NDST3: variants seen among roughly 807,000 people sequenced by gnomAD.
NDST3 encodes N-deacetylase and N-sulfotransferase 3.
Under a neutral mutation model 96.1 loss-of-function variants are expected in NDST3, and 58 were observed. That is an observed-to-expected ratio of 0.60 (90% CI 0.49 to 0.75). The LOEUF is 0.75. Among genes scored for constraint, NDST3 ranks in the 30% least tolerant of loss-of-function variants. NDST3 has a pLI of 0.00. For synonymous variants in NDST3, 333 were observed against 359.7 expected (o/e 0.93, Z 0.84); for missense variants, 788 against 1,034.2 (o/e 0.76, Z 3.27).
At chr4:118,105,349 A>C (rs907615778) in intron 3 of NDST3, among the ~76,000 whole-genome samples, 1 of 152,178 alleles carries the variant, frequency 6.6e-6, no homozygotes, top group Non-Finnish European at 1.5e-5. Context: ...GAAGTACATA[A>C]ATAGTAAATG....
At chr4:118,199,141 C>A (rs1161525000) in intron 6 of NDST3, among the ~76,000 whole-genome samples, 1 of 152,170 alleles carries the variant, frequency 6.6e-6, no homozygotes, top group Non-Finnish European at 1.5e-5. Flanking sequence ...AATAAAGTTT[C>A]TATGCATATC....
At chr4:118,067,725 G>A (rs917491072) in intron 2 of NDST3, among the ~76,000 whole-genome samples, 1 of 152,018 alleles carries the variant, frequency 6.6e-6, no homozygotes, top group South Asian at 2.1e-4. Flanking sequence ...TCACTGCTCC[G>A]TACTTAGAAA....
At chr4:118,194,220 T>C (rs1332281455) in intron 6 of NDST3, 2 of 732,670 alleles carry the variant, frequency 2.7e-6, no homozygotes, top group African/African-American at 3.4e-5. Context: ...AACTAGTCCT[T>C]GTAGCACCCT....
chr4:118,124,855 C>T lies in NDST3; in HGVS notation c.1224+9895C>T, dbSNP rs546207039. Among the ~76,000 whole-genome samples the T allele has an allele frequency of 3.9e-4, 59 of 152,060 alleles. 1 individual carries two copies. The South Asian group carries it at 0.011, about 29-fold the overall frequency. ...TATTAACACCTTTAACACTTTTATCCAAAGACTTTTGTTACTTTTATTTTA... is the reference window on the plus strand; with the variant it reads ...TATTAACACCTTTAACACTTTTATCTAAAGACTTTTGTTACTTTTATTTTA... On this transcript the variant is annotated intron_variant, in intron 4 of 13. Transcript: ENST00000296499.
intron 5 of NDST3, 128 bp from the exon 6 acceptor site, chr4:118,143,428 T>C: frequency 1.1e-6 from 1 of 871,784 alleles, no homozygotes. Flanking sequence ...TGATAGATTG[T>C]CCAGGCCCTG....
intron 6 of NDST3, among the ~76,000 whole-genome samples, chr4:118,183,984 A>G (rs981724009): frequency 6.6e-6 from 1 of 152,134 alleles, no homozygotes; most frequent in Admixed American, 6.5e-5. Flanking sequence ...CCACTTACTC[A>G]CGGTGCTAGA....
At chr4:118,040,829 A>T (rs1478286663) in intron 1 of NDST3, among the ~76,000 whole-genome samples, 1 of 147,974 alleles carries the variant, frequency 6.8e-6, no homozygotes, top group Non-Finnish European at 1.5e-5. Context: ...ACCACCTGCC[A>T]CCATGTCCAA....
intron 6 of NDST3, among the ~76,000 whole-genome samples, chr4:118,203,568 T>G (rs973531956): frequency 2.0e-5 from 3 of 152,210 alleles, no homozygotes; most frequent in Admixed American, 6.5e-5. Context: ...ATTTACCTAC[T>G]TCCTCTAGAT....
At chr4:118,250,864 T>A (rs1381732373) in intron 12 of NDST3, among the ~76,000 whole-genome samples, 2 of 152,022 alleles carry the variant, frequency 1.3e-5, no homozygotes, top group Non-Finnish European at 2.9e-5. Flanking sequence ...AGTTCTATAT[T>A]AGATATATTT....
At chr4:118,207,201 T>G (rs10025029) in intron 6 of NDST3, among the ~76,000 whole-genome samples, 1,873 of 141,502 alleles carry the variant, frequency 0.013, 221 homozygotes, top group African/African-American at 0.046. Context: ...AAATTATATC[T>G]GTGGCTTCTT....
At chr4:118,103,642 C>T (rs1391236675) in intron 2 of NDST3, among the ~76,000 whole-genome samples, 2 of 152,128 alleles carry the variant, frequency 1.3e-5, no homozygotes, top group Non-Finnish European at 2.9e-5. Context: ...TTCCTCCTCC[C>T]CCATCCAAAC....
Position 118,138,200 on chromosome 4 carries a change from A to AGCTAGATAC in NDST3, c.1372_1380dup (p.Ala458_Tyr460dup). ...CTGAAGAATATCCACATCTGAAGCC[A>AGCTAGATAC]GCTAGATACCGGAGGGGTTTTATCC... is the stretch of plus-strand genomic sequence containing the variant. On this transcript the variant is annotated inframe_insertion, in exon 5 of 14. Transcript: ENST00000296499. 6.2e-7 allele frequency: 1 copy of AGCTAGATAC among 1,614,008 alleles called. No individual in the cohort carries two copies. The highest frequency in any genetic ancestry group is 8.5e-7 in the Non-Finnish European group (1 of 1,179,912).
In NDST3 at chr4:118,072,103, C is replaced by G. The variant is rs140047342; in HGVS notation, c.981+17212C>G. 4.9e-4 allele frequency among the ~76,000 whole-genome samples: 75 copies of G among 152,086 alleles called. 1 individual carries two copies. In the East Asian group the frequency reaches 0.012, roughly 23 times the overall value. ...ATTGGTTTATATGTCTGTTTTAGTA[C>G]CAATACCATGCTGTTTGGGTTGCTA... is the stretch of plus-strand genomic sequence containing the variant. On this transcript the variant is annotated intron_variant, in intron 2 of 13. Transcript: ENST00000296499.
chr4:118,215,478 GA>G (rs984090844), intron 6 of NDST3, among the ~76,000 whole-genome samples: 5 of 152,086 alleles, frequency 3.3e-5, no homozygotes, highest in African/African-American at 1.2e-4. Context: ...GCTGAAACAT[GA>G]ATGGAGGTGA....
chr4:118,195,708 TCCTGCAA>T (rs1367151724), intron 6 of NDST3, among the ~76,000 whole-genome samples: 7 of 152,266 alleles, frequency 4.6e-5, no homozygotes, highest in Non-Finnish European at 8.8e-5. Flanking sequence ...TGGTTTTGTA[TCCTGCAA>T]CTTTACAAAA....
intron 6 of NDST3, among the ~76,000 whole-genome samples, chr4:118,173,128 A>G (rs961492737): frequency 4.0e-5 from 3 of 74,802 alleles, no homozygotes; most frequent in African/African-American, 7.4e-5. Flanking sequence ...TCTATGAGGC[A>G]TATATATGTG....
chr4:118,061,488 T>C (rs1195618572), intron 2 of NDST3, among the ~76,000 whole-genome samples: 2 of 152,130 alleles, frequency 1.3e-5, no homozygotes, highest in African/African-American at 4.8e-5. Context: ...CACTGTAAAA[T>C]AGACAAATGT....
chr4:118,163,517 C>T (rs1249457673), intron 6 of NDST3, among the ~76,000 whole-genome samples: 2 of 151,816 alleles, frequency 1.3e-5, no homozygotes, highest in Non-Finnish European at 1.5e-5. Flanking sequence ...AACCAAACAC[C>T]GCATATTCTC....
At chr4:118,184,317 A>G (rs1736788798) in intron 6 of NDST3, among the ~76,000 whole-genome samples, 1 of 152,116 alleles carries the variant, frequency 6.6e-6, no homozygotes, top group Non-Finnish European at 1.5e-5. Flanking sequence ...ATGAGATAAC[A>G]TTTAAATCAG....
Sources: gnomAD v4.1 joint callset for allele counts (sites outside exome capture counted in the v4.1 genomes callset) on GRCh38, gnomAD v4.1.1 for gene constraint, MANE v1.5 for transcripts, NCBI Gene and HGNC (gene_info 2026-07-23, HGNC 2026-07-21) for gene names.